Variants in MYBPH observed in about 807,000 individuals in gnomAD.
The protein encoded by MYBPH is myosin-binding protein H.
In MYBPH, 49 loss-of-function variants were observed where a neutral mutation model predicts 53.6. The ratio of observed to expected loss-of-function variants is 0.91; its 90% CI spans 0.73 to 1.16. MYBPH has a LOEUF of 1.16. Ranked by LOEUF, MYBPH falls within the 50% of genes most tolerant of loss-of-function variation. The probability of loss-of-function intolerance (pLI) is 0.00; values close to 1 mark genes in which losing one functional copy is unlikely to be tolerated. For missense variants in MYBPH, 558 were observed against 624.1 expected, an observed-to-expected ratio of 0.89 and a Z score of 1.13; for synonymous variants, 239 against 249.6, an observed-to-expected ratio of 0.96 and a Z score of 0.40.
intron 8 of MYBPH, 21 bp downstream of exon 8, chr1:203,169,232 C>T (rs773097342): frequency 6.3e-7 from 1 of 1,592,566 alleles, no homozygotes; most frequent in African/African-American, 1.3e-5. Flanking sequence ...GCCCAGGGCA[C>T]AACAGGGCCT....
At chr1:203,172,629 C>A (rs1301160275) in intron 3 of MYBPH, among the ~76,000 whole-genome samples, 2 of 152,212 alleles carry the variant, frequency 1.3e-5, no homozygotes, top group African/African-American at 4.8e-5. Flanking sequence ...GTCACCCTCC[C>A]AAAATCTGTT....
chr1:203,171,011 C>A lies in MYBPH; in HGVS notation c.933+50G>T. ...ACTCAGTGGGATGGGCCTTCCCCACCACCTTGACCACTTCGTACCCCGACC... is the reference window on the plus strand; with the variant it reads ...ACTCAGTGGGATGGGCCTTCCCCACAACCTTGACCACTTCGTACCCCGACC... On this transcript the variant is annotated intron_variant, in intron 6 of 10. Coordinates refer to ENST00000255416, the MANE Select transcript of MYBPH (RefSeq NM_004997.3). This position sits in a 1 kb window ranked among gnomAD's most constrained non-coding sequence, Gnocchi z 4.2. The A allele has an allele frequency of 6.6e-7, 1 of 1,523,388 alleles. No homozygotes were observed. Among genetic ancestry groups the A allele is most frequent in the Non-Finnish European group, 8.8e-7 (1 of 1,136,646 alleles). 94.4% of individuals were successfully genotyped at this position (1,523,388 alleles called of 1,614,324 possible).
chr1:203,172,412 T>C (rs1655718572), intron 3 of MYBPH, among the ~76,000 whole-genome samples: 1 of 152,158 alleles, frequency 6.6e-6, no homozygotes, highest in Non-Finnish European at 1.5e-5. Flanking sequence ...GAGCAGGTGC[T>C]GCACCTGTCA....
Position 203,168,669 on chromosome 1 carries a change from G to A in MYBPH, c.1424C>T (p.Ala475Val), listed in dbSNP as rs552578060. The A allele has an allele frequency of 6.4e-7, 1 of 1,560,844 alleles. No homozygotes were observed. The highest frequency in any genetic ancestry group is 1.2e-5 in the South Asian group (1 of 85,566). Reference sequence around the variant, plus strand: ...CCTCCTCCCGTGACTTCAGTGTGCGGCTGAGGCTGGAAGAGATGCTGCAGT... The same window carrying A: ...CCTCCTCCCGTGACTTCAGTGTGCGACTGAGGCTGGAAGAGATGCTGCAGT... The part of the protein sequence containing the change: ...VDCRLEVKAS[A>V]AH The change falls in exon 10 of 11, where the codon GCC becomes GTC. Residue 475 changes from alanine (A) to valine (V), a missense_variant. Ala to Val is a moderately conservative substitution (Grantham distance 64). Transcript: ENST00000255416.
Position 203,168,652 on chromosome 1 carries a change from C to G in MYBPH, c.*7G>C. 6.9e-7 allele frequency: 1 copy of G among 1,449,902 alleles called. No homozygotes were observed. The highest frequency in any genetic ancestry group is 9.1e-7 in the Non-Finnish European group (1 of 1,095,676). 89.8% of individuals were successfully genotyped at this position (1,449,902 alleles called of 1,614,324 possible). ...CTGGCTCCTCATCACAGCCTCCTCC[C>G]GTGACTTCAGTGTGCGGCTGAGGCT... On this transcript the variant is annotated 3_prime_UTR_variant, in exon 10 of 11. Transcript: ENST00000255416.
chr1:203,169,290 C>T lies in MYBPH; in HGVS notation c.1193G>A (p.Ser398Asn). 1.2e-6 allele frequency: 2 copies of T among 1,613,268 alleles called. No homozygotes were observed. Among genetic ancestry groups the T allele is most frequent in the Non-Finnish European group, 1.7e-6 (2 of 1,179,572 alleles). Residue 398 changes from serine (S) to asparagine (N), a missense_variant, in exon 8 of 11, where the codon AGC becomes AAC. Transcript: ENST00000255416. ...TCGGACACTGCAGAACAACTGGGTG[C>T]TGTAGCCAGGGGTGGAGGTGTGGTC... ...LADHTSTPGY[S>N]TQLFCSVRAS...
At position 203,169,036 on chromosome 1, in the gene MYBPH, G is replaced by A. The variant is rs1411545157; in HGVS notation, c.1287C>T (p.Arg429=). 42 of 1,613,822 alleles carry A rather than the reference G, an allele frequency of 2.6e-5. 1 individual carries two copies. The highest frequency in any genetic ancestry group is 9.3e-5 in the African/African-American group (7 of 74,922). The change falls in exon 9 of 11, where the codon CGC becomes CGT. Residue 429 remains arginine (R), a synonymous_variant. Transcript: ENST00000255416. The part of the protein sequence containing the change: ...KMEIQGNPKY[R]ALSEQGVCTL... Reference sequence around the variant, plus strand: ...TGCAGACGCCTTGCTCAGAGAGGGCGCGGTATTTGGGGTTGCCCTGGATCT... The same window carrying A: ...TGCAGACGCCTTGCTCAGAGAGGGCACGGTATTTGGGGTTGCCCTGGATCT...
chr1:203,171,282 C>A lies in MYBPH; in HGVS notation c.794-82G>T. ...CCCCACACCCAAAATTTGGCTCTTG[C>A]CACACTCCCTTGGCCTGCTCCCATC... On this transcript the variant is annotated intron_variant, in intron 5 of 10. Transcript: ENST00000255416. The surrounding 1 kb of genome is among the most constrained non-coding windows in gnomAD (Gnocchi z 4.2). 6.5e-7 allele frequency: 1 copy of A among 1,548,662 alleles called. No homozygotes were observed. The highest frequency in any genetic ancestry group is 8.7e-7 in the Non-Finnish European group (1 of 1,146,146).
Position 203,171,316 on chromosome 1 carries a change from G to A in MYBPH, c.793+67C>T. ...CTTGGCCTGCTCCCATCAGCCATCAGCTCTGGGATAGGAGGTTGGGGGCTC... is the reference window on the plus strand; with the variant it reads ...CTTGGCCTGCTCCCATCAGCCATCAACTCTGGGATAGGAGGTTGGGGGCTC... On this transcript the variant is annotated intron_variant, in intron 5 of 10. Coordinates refer to ENST00000255416, the MANE Select transcript of MYBPH (RefSeq NM_004997.3). This position sits in a 1 kb window ranked among gnomAD's most constrained non-coding sequence, Gnocchi z 4.2. 1 of 1,569,534 alleles carries A rather than the reference G, an allele frequency of 6.4e-7. No individual in the cohort carries two copies. Among genetic ancestry groups the A allele is most frequent in the Non-Finnish European group, 8.7e-7 (1 of 1,154,722 alleles).
Position 203,169,452 on chromosome 1 carries a change from A to T in MYBPH, c.1094-63T>A, listed in dbSNP as rs1037659143. 5.8e-6 allele frequency: 9 copies of T among 1,540,730 alleles called. 1 individual carries two copies. In the Admixed American group the frequency reaches 1.8e-4, roughly 30 times the overall value. On this transcript the variant is annotated intron_variant, in intron 7 of 10. Coordinates refer to ENST00000255416, the MANE Select transcript of MYBPH (RefSeq NM_004997.3). ...ACAGGAGTGAGGGAGACCTGTCAGG[A>T]CTGACTATGATTCAAGATCTATGGA...
Position 203,169,304 on chromosome 1 carries a change from G to A in MYBPH, c.1179C>T (p.Ser393=), listed in dbSNP as rs955646981. Reference sequence around the variant, plus strand: ...ACAACTGGGTGCTGTAGCCAGGGGTGGAGGTGTGGTCAGCCAGGGGCTGGG... The same window carrying A: ...ACAACTGGGTGCTGTAGCCAGGGGTAGAGGTGTGGTCAGCCAGGGGCTGGG... ...SFTQPLADHT[S]TPGYSTQLFC... is the part of the protein sequence containing the mutation. The change falls in exon 8 of 11, where the codon TCC becomes TCT. Residue 393 remains serine, a synonymous_variant. Transcript: ENST00000255416. 1.9e-6 allele frequency: 3 copies of A among 1,613,560 alleles called. No homozygotes were observed. The highest frequency in any genetic ancestry group is 2.5e-6 in the Non-Finnish European group (3 of 1,179,808).
At chr1:203,174,237 C>T (rs1361563535) in intron 3 of MYBPH, 193 bp downstream of exon 3, 1 of 893,202 alleles carries the variant, frequency 1.1e-6, no homozygotes, top group East Asian at 1.2e-4. Context: ...GCTTCTTAGA[C>T]CTCCAGAGGC....
At chr1:203,177,803 T>G (rs534234779), upstream of MYBPH, among the ~76,000 whole-genome samples, 5 of 152,266 alleles carry the variant, frequency 3.3e-5, no homozygotes, top group South Asian at 6.2e-4. Context: ...TGTGGTGGGG[T>G]GGGCAGTGGC....
chr1:203,168,631 C>T lies in MYBPH; in HGVS notation c.*28G>A. The T allele has an allele frequency of 6.5e-7, 1 of 1,532,388 alleles. No homozygotes were observed. The highest frequency in any genetic ancestry group is 8.8e-7 in the Non-Finnish European group (1 of 1,140,342). The allele number at this position is 1,532,388 out of a possible 1,614,324, so 94.9% of individuals were successfully genotyped here. Reference sequence around the variant, plus strand: ...TGGGTGGGTCAGGCCATTTACCTGGCTCCTCATCACAGCCTCCTCCCGTGA... The same window carrying T: ...TGGGTGGGTCAGGCCATTTACCTGGTTCCTCATCACAGCCTCCTCCCGTGA... On this transcript the variant is annotated 3_prime_UTR_variant, in exon 10 of 11. Coordinates refer to ENST00000255416, the MANE Select transcript of MYBPH (RefSeq NM_004997.3).
At chr1:203,172,855 TG>T (rs1316419237) in intron 3 of MYBPH, among the ~76,000 whole-genome samples, 1 of 152,090 alleles carries the variant, frequency 6.6e-6, no homozygotes, top group Admixed American at 6.6e-5. Context: ...AGTTGGTTGG[TG>T]GCATGCAGGG....
rs1184504758 is a variant in MYBPH at position 203,171,121 on chromosome 1, C to G, written c.873G>C (p.Gln291His). 6.2e-7 allele frequency: 1 copy of G among 1,613,354 alleles called. No individual in the cohort carries two copies. Among genetic ancestry groups the G allele is most frequent in the Non-Finnish European group, 8.5e-7 (1 of 1,179,732 alleles). Residue 291 changes from glutamine to histidine, a missense_variant, in exon 6 of 11, where the codon CAG becomes CAC. Gln to His is a conservative substitution (Grantham distance 24). Transcript: ENST00000255416. The surrounding 1 kb of genome is among the most constrained non-coding windows in gnomAD (Gnocchi z 4.2). ...CCAGGAGCTCTGTGTTGCCTGTGTC[C>G]TGGGGTGGCGTCCACTGAAGAGCAG... ...CNAALQWTPP[Q>H]DTGNTELLGY...
chr1:203,169,631 C>T (rs1452177716), intron 7 of MYBPH, among the ~76,000 whole-genome samples: 1 of 152,210 alleles, frequency 6.6e-6, no homozygotes, highest in Non-Finnish European at 1.5e-5. Context: ...ATGCTAGCAA[C>T]TCAGAGGTGC....
intron 1 of MYBPH, 42 bp from the exon 2 acceptor site, chr1:203,175,503 C>T (rs1655789341): frequency 6.2e-7 from 1 of 1,611,942 alleles, no homozygotes; most frequent in African/African-American, 1.3e-5. Flanking sequence ...CTCCCCTCCA[C>T]CCCTGACATG....
At position 203,175,588 on chromosome 1, in the gene MYBPH, T is replaced by C. The variant is rs1316719417; in HGVS notation, c.168A>G (p.Thr56=). ...GTGCAGGCTTAGTGGCTGTGGAGGC[T>C]GTAGGGGCCTGTGGGGCAGGGGCCT... ...KPQAPAPQAP[T]ASTATKPAPP... The change falls in exon 1 of 11, where the codon ACA becomes ACG. Residue 56 remains threonine (T), a synonymous_variant. Transcript: ENST00000255416. 2 of 1,613,678 alleles carry C rather than the reference T, an allele frequency of 1.2e-6. No individual in the cohort carries two copies. The highest frequency in any genetic ancestry group is 1.7e-6 in the Non-Finnish European group (2 of 1,179,976).
Sources: allele counts gnomAD v4.1 joint callset (sites outside exome capture counted in the v4.1 genomes callset), GRCh38; gene constraint gnomAD v4.1.1; non-coding constraint Gnocchi (gnomAD v3.1); transcripts MANE v1.5; gene names NCBI Gene and HGNC (gene_info 2026-07-23, HGNC 2026-07-21).